ME3: variants seen among roughly 807,000 people sequenced by gnomAD.
ME3 encodes the protein NADP-dependent malic enzyme, mitochondrial.
In ME3, 48 loss-of-function variants were observed where a neutral mutation model predicts 68.9. The observed-to-expected ratio is 0.70, with a 90% CI of 0.55 to 0.89. ME3 has a LOEUF of 0.89. Ranked by LOEUF, ME3 falls within the 40% of genes least tolerant of loss-of-function variation. ME3 has a pLI of 0.00. For synonymous variants in ME3, 320 were observed against 318.8 expected, an observed-to-expected ratio of 1.00 and a Z score of -0.04; for missense variants, 675 against 797.4, an observed-to-expected ratio of 0.85 and a Z score of 1.85.
intron 5 of ME3, among the ~76,000 whole-genome samples, chr11:86,503,385 C>A (rs1302063714): frequency 6.6e-6 from 1 of 152,226 alleles, no homozygotes; most frequent in Non-Finnish European, 1.5e-5. Flanking sequence ...AGCCACCTTG[C>A]CCAAAGCCAC....
chr11:86,516,926 A>G (rs1953941613), intron 4 of ME3, among the ~76,000 whole-genome samples: 1 of 152,134 alleles, frequency 6.6e-6, no homozygotes, highest in Admixed American at 6.5e-5. Context: ...CTTCTGCTGC[A>G]TGGAGCTTTG....
At chr11:86,596,105 A>T (rs1199046034) in intron 2 of ME3, among the ~76,000 whole-genome samples, 1 of 152,242 alleles carries the variant, frequency 6.6e-6, no homozygotes, top group African/African-American at 2.4e-5. Flanking sequence ...TGTACTTCAG[A>T]CTGCTTTGAT....
intron 2 of ME3, among the ~76,000 whole-genome samples, chr11:86,629,713 C>T (rs1224650426): frequency 3.3e-5 from 5 of 152,178 alleles, no homozygotes; most frequent in African/African-American, 1.2e-4. Context: ...CCTGAGGACA[C>T]AAGCCAGGAG....
intron 7 of ME3, among the ~76,000 whole-genome samples, chr11:86,480,212 A>G (rs1951321064): frequency 1.3e-5 from 2 of 152,206 alleles, no homozygotes; most frequent in Non-Finnish European, 2.9e-5. Context: ...GAAATGCATG[A>G]TCAGATACAT....
At chr11:86,508,734 T>C (rs1293202826) in intron 5 of ME3, 58 bp downstream of exon 5, 1 of 1,493,070 alleles carries the variant, frequency 6.7e-7, no homozygotes, top group Non-Finnish European at 9.3e-7. Flanking sequence ...ATGACTCTGG[T>C]TTAGGCTGAA....
intron 2 of ME3, among the ~76,000 whole-genome samples, chr11:86,629,853 G>A (rs769542673): frequency 6.6e-6 from 1 of 152,176 alleles, no homozygotes; most frequent in African/African-American, 2.4e-5. Flanking sequence ...AGATGGCTGA[G>A]AACTTGTGAT....
At chr11:86,633,955 T>C (rs1043165269) in intron 2 of ME3, among the ~76,000 whole-genome samples, 12 of 152,140 alleles carry the variant, frequency 7.9e-5, no homozygotes, top group African/African-American at 2.9e-4. Flanking sequence ...GACGGTGCCT[T>C]TGGAGTCCAG....
At chr11:86,553,795 C>T (rs1956805639) in intron 4 of ME3, among the ~76,000 whole-genome samples, 1 of 152,172 alleles carries the variant, frequency 6.6e-6, no homozygotes, top group Non-Finnish European at 1.5e-5. Flanking sequence ...CAATCCCCAC[C>T]TGAGACCCCT....
intron 2 of ME3, among the ~76,000 whole-genome samples, chr11:86,656,373 G>C (rs1832797754): frequency 6.6e-6 from 1 of 151,844 alleles, no homozygotes; most frequent in Admixed American, 6.6e-5. Flanking sequence ...TGATAGACTG[G>C]ATTAAGAAAA....
intron 7 of ME3, among the ~76,000 whole-genome samples, chr11:86,466,984 G>A (rs1236513813): frequency 6.6e-6 from 1 of 152,214 alleles, no homozygotes; most frequent in Non-Finnish European, 1.5e-5. Context: ...GTGAACTATT[G>A]TGAGGGTTAA....
chr11:86,667,188 G>A (rs762619602), intron 2 of ME3, among the ~76,000 whole-genome samples: 4 of 152,194 alleles, frequency 2.6e-5, no homozygotes, highest in Non-Finnish European at 4.4e-5. Flanking sequence ...CATAATCACA[G>A]TGACTTGACT....
chr11:86,510,085 A>T (rs1354982762), intron 4 of ME3, among the ~76,000 whole-genome samples: 2 of 151,826 alleles, frequency 1.3e-5, no homozygotes, highest in East Asian at 3.9e-4. Context: ...CTGTTCTTTC[A>T]CTCTCCTCCC....
intron 2 of ME3, among the ~76,000 whole-genome samples, chr11:86,646,791 G>A (rs1945046784): frequency 1.3e-5 from 2 of 152,078 alleles, no homozygotes; most frequent in Non-Finnish European, 2.9e-5. Context: ...AATGTTAAGG[G>A]CAGCCAGAGG....
chr11:86,610,369 G>A (rs1322887080), intron 2 of ME3, among the ~76,000 whole-genome samples: 3 of 152,170 alleles, frequency 2.0e-5, no homozygotes, highest in Admixed American at 1.3e-4. Flanking sequence ...AATACCTTGA[G>A]ACCTCAAAGG....
intron 2 of ME3, among the ~76,000 whole-genome samples, chr11:86,578,531 T>C (rs1466560911): frequency 6.6e-6 from 1 of 152,162 alleles, no homozygotes; most frequent in Admixed American, 6.5e-5. Flanking sequence ...GACAAGCTCA[T>C]CTGACAGGGC....
At chr11:86,663,663 C>G (rs1336623897) in intron 2 of ME3, among the ~76,000 whole-genome samples, 1 of 152,134 alleles carries the variant, frequency 6.6e-6, no homozygotes, top group Non-Finnish European at 1.5e-5. Context: ...TTTTTTCCCC[C>G]CTCTCACTAT....
At chr11:86,498,967 C>T (rs1952543947) in intron 5 of ME3, among the ~76,000 whole-genome samples, 1 of 151,974 alleles carries the variant, frequency 6.6e-6, no homozygotes, top group African/African-American at 2.4e-5. Context: ...GATTAATGGG[C>T]TAAAGGAGAG....
intron 12 of ME3, 48 bp from the exon 13 acceptor site, chr11:86,446,535 G>T (rs1393872755): frequency 6.3e-7 from 1 of 1,575,336 alleles, no homozygotes; most frequent in Middle Eastern, 1.7e-4. Context: ...TTGGTTTGGG[G>T]TAATAATAGT....
chr11:86,528,128 A>T (rs2139242376), intron 4 of ME3, among the ~76,000 whole-genome samples: 1 of 152,362 alleles, frequency 6.6e-6, no homozygotes, highest in East Asian at 1.9e-4. Context: ...GTGCATAGAC[A>T]CATATAGGCT....
Sources: allele counts gnomAD v4.1 joint callset (sites outside exome capture counted in the v4.1 genomes callset), GRCh38; gene constraint gnomAD v4.1.1; transcripts MANE v1.5; gene names NCBI Gene and HGNC (gene_info 2026-07-23, HGNC 2026-07-21).